Variants in NCKAP5 observed in about 807,000 individuals in gnomAD.
The protein encoded by NCKAP5 is nck-associated protein 5.
Under a neutral mutation model 167.0 loss-of-function variants are expected in NCKAP5, and 92 were observed. That is an observed-to-expected ratio of 0.55 (90% confidence interval 0.47 to 0.66). The LOEUF (loss-of-function observed/expected upper bound fraction) is 0.66. NCKAP5 is among the 30% of genes least tolerant of loss of function. NCKAP5 has a pLI of 0.00. For missense variants in NCKAP5, 2,378 were observed against 2,315.0 expected (o/e 1.03, Z -0.56); for synonymous variants, 891 against 877.4 (o/e 1.02, Z -0.27).
intron 19 of NCKAP5, among the ~76,000 whole-genome samples, chr2:132,712,434 G>A (rs927959036): frequency 5.3e-5 from 8 of 152,172 alleles, no homozygotes; most frequent in South Asian, 2.1e-4. Flanking sequence ...GGCGGATCAT[G>A]AGGTCAGGAG....
rs568438107 is a variant in NCKAP5 at position 133,360,864 on chromosome 2, G to A, written c.70-57754C>T. On this transcript the variant is annotated intron_variant, in intron 3 of 19. Coordinates refer to ENST00000409261, the MANE Select transcript of NCKAP5 (RefSeq NM_207363.3). ...AAAGGCTGGTGAGTAGAAGATCATG[G>A]CTAATCAAATTAGAGTGGAGAAGGA... 9.2e-5 allele frequency among the ~76,000 whole-genome samples: 14 copies of A among 151,780 alleles called. No homozygotes were observed. The South Asian group carries it at 2.9e-3, about 32-fold the overall frequency.
At chr2:132,890,669 C>A (rs984208698) in intron 8 of NCKAP5, among the ~76,000 whole-genome samples, 1 of 152,172 alleles carries the variant, frequency 6.6e-6, no homozygotes, top group African/African-American at 2.4e-5. Context: ...ATTGAATCCC[C>A]TTCCCTCTAT....
intron 16 of NCKAP5, among the ~76,000 whole-genome samples, chr2:132,771,833 C>T (rs1006226495): frequency 3.1e-4 from 45 of 145,152 alleles, no homozygotes; most frequent in African/African-American, 1.0e-3. Flanking sequence ...CAACCACGCC[C>T]GGCTAATTTT....
intron 6 of NCKAP5, among the ~76,000 whole-genome samples, chr2:133,125,590 C>A (rs1392356960): frequency 6.6e-6 from 1 of 152,180 alleles, no homozygotes; most frequent in Non-Finnish European, 1.5e-5. Flanking sequence ...ATCTGGAAAG[C>A]ACCTTTGATG....
At chr2:133,201,166 C>G (rs1284818229) in intron 5 of NCKAP5, among the ~76,000 whole-genome samples, 2 of 152,178 alleles carry the variant, frequency 1.3e-5, no homozygotes, top group Non-Finnish European at 2.9e-5. Context: ...AAGTGACTAA[C>G]AGGCAGTGGT....
the NCKAP5 span, among the ~76,000 whole-genome samples, chr2:133,630,920 G>A: frequency 6.6e-6 from 1 of 152,112 alleles, no homozygotes; most frequent in Admixed American, 6.6e-5. Flanking sequence ...CTTAATAAAA[G>A]CTGAATTATG....
At chr2:132,913,594 G>A (rs1694626133) in intron 8 of NCKAP5, among the ~76,000 whole-genome samples, 1 of 152,044 alleles carries the variant, frequency 6.6e-6, no homozygotes, top group Non-Finnish European at 1.5e-5. Context: ...CATAAGGCTG[G>A]TTCTTAGCAT....
At chr2:132,949,109 A>T (rs950682546) in intron 8 of NCKAP5, among the ~76,000 whole-genome samples, 1 of 136,262 alleles carries the variant, frequency 7.3e-6, no homozygotes, top group African/African-American at 2.7e-5. Flanking sequence ...CAGGGATAAG[A>T]AGAAGCAAAG....
chr2:132,742,449 T>C (rs1679288344), intron 16 of NCKAP5, among the ~76,000 whole-genome samples: 1 of 151,968 alleles, frequency 6.6e-6, no homozygotes, highest in Non-Finnish European at 1.5e-5. Flanking sequence ...CTGATGAAAA[T>C]TTTATTAAAG....
chr2:133,072,261 T>C (rs1258368526), intron 6 of NCKAP5, among the ~76,000 whole-genome samples: 1 of 152,092 alleles, frequency 6.6e-6, no homozygotes, highest in Non-Finnish European at 1.5e-5. Context: ...AATTATTGTA[T>C]TTTTAGTAGA....
chr2:133,205,107 G>A (rs2085884042), intron 5 of NCKAP5, among the ~76,000 whole-genome samples: 1 of 151,806 alleles, frequency 6.6e-6, no homozygotes, highest in South Asian at 2.1e-4. Context: ...TGGGCAACAT[G>A]GTGAAACCTT....
At chr2:132,725,854 T>C in intron 18 of NCKAP5, 95 bp from the exon 19 acceptor site, 2 of 1,290,218 alleles carry the variant, frequency 1.6e-6, no homozygotes, top group African/African-American at 3.0e-5. Flanking sequence ...CATCTGGCTG[T>C]CAATGTGTGC....
chr2:133,306,869 CCTCTT>C (rs1178084598), intron 3 of NCKAP5, among the ~76,000 whole-genome samples: 9 of 152,308 alleles, frequency 5.9e-5, no homozygotes, highest in Middle Eastern at 6.8e-3. Flanking sequence ...CTTACATACT[CCTCTT>C]CTCCTATTTC....
intron 4 of NCKAP5, among the ~76,000 whole-genome samples, chr2:133,240,960 G>A (rs1464567496): frequency 6.6e-6 from 1 of 152,046 alleles, no homozygotes; most frequent in Admixed American, 6.5e-5. Context: ...AAACAATTTT[G>A]CTAAAATTCT....
rs747705455 is a variant in NCKAP5, at chr2:132,784,477, G to T, written c.2334C>A (p.His778Gln). Residue 778 changes from histidine (H) to glutamine (Q), a missense_variant, in exon 14 of 20, where the codon CAC becomes CAA. Transcript: ENST00000409261. Reference protein sequence around the residue: ...PQQQKLVKPTHNISCQSNSRS... With the variant: ...PQQQKLVKPTQNISCQSNSRS... ...TGGAATTACTCTGGCATGATATATT[G>T]TGTGTTGGTTTGACCAGCTTTTGCT... is the stretch of plus-strand genomic sequence containing the variant. The T allele has an allele frequency of 6.3e-7, 1 of 1,590,536 alleles. No individual in the cohort carries two copies. The highest frequency in any genetic ancestry group is 8.5e-7 in the Non-Finnish European group (1 of 1,169,742).
At chr2:133,188,724 C>G (rs185771011) in intron 5 of NCKAP5, among the ~76,000 whole-genome samples, 1 of 152,230 alleles carries the variant, frequency 6.6e-6, no homozygotes, top group African/African-American at 2.4e-5. Flanking sequence ...TAAAGGTGTT[C>G]TTTGAAATCA....
chr2:133,542,594 T>C (rs1400215406), intron 2 of NCKAP5, among the ~76,000 whole-genome samples: 7 of 152,242 alleles, frequency 4.6e-5, no homozygotes, highest in African/African-American at 1.7e-4. Flanking sequence ...GCAGTTCTCC[T>C]TTCCTCCCTG....
At chr2:133,220,684 A>G (rs189899381) in intron 4 of NCKAP5, among the ~76,000 whole-genome samples, 1 of 150,962 alleles carries the variant, frequency 6.6e-6, no homozygotes, top group Admixed American at 6.6e-5. Flanking sequence ...TTGCATGTTT[A>G]AAAAAAAAGC....
chr2:133,466,527 T>C (rs1167900421), intron 3 of NCKAP5, among the ~76,000 whole-genome samples: 3 of 151,076 alleles, frequency 2.0e-5, no homozygotes, highest in Non-Finnish European at 3.0e-5. Context: ...TTTAAAGTAG[T>C]TTTTTCCAAT....
Sources: allele counts gnomAD v4.1 joint callset (sites outside exome capture counted in the v4.1 genomes callset), GRCh38; gene constraint gnomAD v4.1.1; transcripts MANE v1.5; gene names NCBI Gene and HGNC (gene_info 2026-07-23, HGNC 2026-07-21).